Variants in KCNT2 observed in about 807,000 individuals in gnomAD.
The protein encoded by KCNT2 is potassium channel subfamily T member 2.
A neutral mutation model predicts 153.8 loss-of-function variants in KCNT2; 67 were observed. That is an observed-to-expected ratio of 0.44 (90% CI 0.36 to 0.53). The LOEUF (loss-of-function observed/expected upper bound fraction) is 0.53. Among genes scored for constraint, KCNT2 ranks in the 20% least tolerant of loss-of-function variants. The pLI, the probability that KCNT2 is intolerant of heterozygous loss-of-function variation, is 0.00. For missense variants in KCNT2, 975 were observed against 1,354.8 expected (o/e 0.72, Z 4.40); for synonymous variants, 500 against 458.8 (o/e 1.09, Z -1.15).
chr1:196,585,406 G>T (rs1662557295), intron 1 of KCNT2, among the ~76,000 whole-genome samples: 1 of 151,940 alleles, frequency 6.6e-6, no homozygotes, highest in South Asian at 2.1e-4. Flanking sequence ...TTCCTCTAAA[G>T]GTTTTCTACA....
intron 26 of KCNT2, among the ~76,000 whole-genome samples, chr1:196,238,100 C>T (rs1325106660): frequency 6.6e-6 from 1 of 151,758 alleles, no homozygotes; most frequent in Non-Finnish European, 1.5e-5. Flanking sequence ...CTTTTATGAA[C>T]AATGACATTA....
At chr1:196,598,000 G>A (rs955574265) in intron 1 of KCNT2, among the ~76,000 whole-genome samples, 4 of 152,084 alleles carry the variant, frequency 2.6e-5, no homozygotes, top group Non-Finnish European at 5.9e-5. Flanking sequence ...TACTTCAGGA[G>A]ATAGAAGCAT....
chr1:196,450,935 A>G (rs1676106820), intron 8 of KCNT2, among the ~76,000 whole-genome samples: 2 of 151,974 alleles, frequency 1.3e-5, no homozygotes, highest in Admixed American at 1.3e-4. Context: ...TTATTTCCCT[A>G]TTCAAATTCT....
intron 13 of KCNT2, among the ~76,000 whole-genome samples, chr1:196,379,936 G>A (rs1047504767): frequency 3.9e-5 from 6 of 152,144 alleles, no homozygotes; most frequent in African/African-American, 1.4e-4. Flanking sequence ...AAGTATTATG[G>A]ATCATCACAA....
At chr1:196,549,834 G>A (rs557849067) in intron 1 of KCNT2, among the ~76,000 whole-genome samples, 2 of 151,830 alleles carry the variant, frequency 1.3e-5, no homozygotes, top group Admixed American at 6.6e-5. Flanking sequence ...TAAACAGCAA[G>A]CTATAAAACA....
chr1:196,557,449 C>T (rs1161805722), intron 1 of KCNT2, among the ~76,000 whole-genome samples: 2 of 151,064 alleles, frequency 1.3e-5, no homozygotes, highest in Non-Finnish European at 3.0e-5. Flanking sequence ...CTTGAGGAAT[C>T]TAATGGTCTC....
At chr1:196,529,966 C>G (rs1011085599) in intron 1 of KCNT2, among the ~76,000 whole-genome samples, 10 of 151,894 alleles carry the variant, frequency 6.6e-5, no homozygotes, top group Non-Finnish European at 1.2e-4. Context: ...TCATGTCTAC[C>G]AAACACACAG....
intron 1 of KCNT2, among the ~76,000 whole-genome samples, chr1:196,540,770 A>G (rs1437205672): frequency 6.6e-6 from 1 of 152,206 alleles, no homozygotes; most frequent in East Asian, 1.9e-4. Flanking sequence ...AATAGAAATT[A>G]AAGATATCTA....
chr1:196,485,414 A>G (rs1235041805), intron 3 of KCNT2, among the ~76,000 whole-genome samples: 1 of 152,086 alleles, frequency 6.6e-6, no homozygotes, highest in African/African-American at 2.4e-5. Context: ...AGGGTCCAAA[A>G]GAAATAATTT....
chr1:196,414,057 C>G (rs1020858530), intron 12 of KCNT2, among the ~76,000 whole-genome samples: 1 of 151,538 alleles, frequency 6.6e-6, no homozygotes, highest in Admixed American at 6.6e-5. Context: ...TTTTCAAAAG[C>G]TGTACCATAC....
chr1:196,243,532 G>A (rs915550501), intron 26 of KCNT2, among the ~76,000 whole-genome samples: 2 of 152,122 alleles, frequency 1.3e-5, no homozygotes, highest in African/African-American at 4.8e-5. Flanking sequence ...CTGTGCACTC[G>A]GGGAATGGAG....
At chr1:196,375,112 C>T (rs1164535307) in intron 13 of KCNT2, among the ~76,000 whole-genome samples, 1 of 151,706 alleles carries the variant, frequency 6.6e-6, no homozygotes, top group African/African-American at 2.4e-5. Flanking sequence ...GGTCTCCTCC[C>T]TTTTCTTCAA....
At chr1:196,532,052 G>A (rs745736209) in intron 1 of KCNT2, among the ~76,000 whole-genome samples, 2 of 151,710 alleles carry the variant, frequency 1.3e-5, no homozygotes, top group African/African-American at 2.4e-5. Context: ...TAGCAACAAA[G>A]TCTTTATTTT....
At chr1:196,528,847 G>C (rs1020224261) in intron 1 of KCNT2, among the ~76,000 whole-genome samples, 9 of 152,240 alleles carry the variant, frequency 5.9e-5, no homozygotes, top group Non-Finnish European at 7.4e-5. Flanking sequence ...GGCATTTTGA[G>C]AGAAAGCTAT....
chr1:196,296,479 T>C (rs1197492104), intron 22 of KCNT2, among the ~76,000 whole-genome samples: 1 of 152,004 alleles, frequency 6.6e-6, no homozygotes, highest in Non-Finnish European at 1.5e-5. Flanking sequence ...GGAAGGACTT[T>C]AAATACAAAT....
intron 25 of KCNT2, among the ~76,000 whole-genome samples, chr1:196,270,845 G>C (rs947584643): frequency 2.0e-5 from 3 of 151,838 alleles, no homozygotes; most frequent in African/African-American, 7.3e-5. Flanking sequence ...GTGTGTGTGT[G>C]TGTGTGCATG....
At chr1:196,369,567 T>C (rs1381422567) in intron 14 of KCNT2, among the ~76,000 whole-genome samples, 1 of 148,326 alleles carries the variant, frequency 6.7e-6, no homozygotes, top group Non-Finnish European at 1.5e-5. Flanking sequence ...TGAGTGAGAA[T>C]ATGTGGTGTT....
chr1:196,369,945 T>C (rs907286019), intron 14 of KCNT2, among the ~76,000 whole-genome samples: 6 of 152,098 alleles, frequency 3.9e-5, no homozygotes, highest in African/African-American at 9.7e-5. Context: ...AAGACATTTA[T>C]GCAGCCAAAA....
Position 196,228,164 on chromosome 1 carries a change from A to C in KCNT2, c.*60T>G, listed in dbSNP as rs1201548946. ...TCCATCTAGTTTCTTTCGTGCCAGCAAAACTTTTGTGGTTTCAAGCAAGGT... is the reference window on the plus strand; with the variant it reads ...TCCATCTAGTTTCTTTCGTGCCAGCCAAACTTTTGTGGTTTCAAGCAAGGT... On this transcript the variant is annotated 3_prime_UTR_variant, in exon 28 of 28. Transcript: ENST00000294725. The C allele has an allele frequency of 8.5e-6, 8 of 940,440 alleles. No individual in the cohort carries two copies. In the East Asian group the frequency reaches 1.7e-4, roughly 20 times the overall value. The allele number at this position is 940,440 out of a possible 1,614,324, so 58.3% of individuals were successfully genotyped here. A position where few individuals can be genotyped will look rare whatever the true frequency, so the allele number is the denominator to read the frequency against.
Sources: gnomAD v4.1 joint callset for allele counts (sites outside exome capture counted in the v4.1 genomes callset) on GRCh38, gnomAD v4.1.1 for gene constraint, MANE v1.5 for transcripts, NCBI Gene and HGNC (gene_info 2026-07-23, HGNC 2026-07-21) for gene names.